Variants in TCHP observed in about 807,000 individuals in gnomAD.
The protein encoded by TCHP is trichoplein keratin filament-binding protein.
Under a neutral mutation model 88.7 loss-of-function variants are expected in TCHP, and 81 were observed. The observed-to-expected ratio is 0.91, with a 90% CI of 0.76 to 1.10. The LOEUF (loss-of-function observed/expected upper bound fraction) is 1.10. TCHP is among the 50% of genes least tolerant of loss of function. TCHP has a pLI of 0.00. For missense variants in TCHP, 641 were observed against 632.1 expected (o/e 1.01, Z -0.15); for synonymous variants, 232 against 232.5 (o/e 1.00, Z 0.02).
the TCHP span, among the ~76,000 whole-genome samples, chr12:109,891,852 G>A: frequency 6.6e-6 from 1 of 151,890 alleles, no homozygotes; most frequent in African/African-American, 2.4e-5. Context: ...TGGGATTACA[G>A]GCATGCACAA....
In TCHP at chr12:109,911,243, G is replaced by T. The variant is rs769097014; in HGVS notation, c.1052+8G>T. On this transcript the variant is annotated splice_region_variant and intron_variant, in intron 9 of 12. Transcript: ENST00000405876. Reference sequence around the variant, plus strand: ...GCTGCAGATGCTGCTGAGGTGAGTGGCAGCTGCTGACTGGGCTGGATGCTC... The same window carrying T: ...GCTGCAGATGCTGCTGAGGTGAGTGTCAGCTGCTGACTGGGCTGGATGCTC... The T allele has an allele frequency of 5.5e-5, 82 of 1,489,310 alleles. No homozygotes were observed. The highest frequency in any genetic ancestry group is 2.4e-4 in the Middle Eastern group (1 of 4,174). The allele number at this position is 1,489,310 out of a possible 1,614,324, so 92.3% of individuals were successfully genotyped here.
chr12:109,914,280 G>A (rs1160274172), intron 10 of TCHP, 162 bp from the exon 11 acceptor site: 3 of 598,838 alleles, frequency 5.0e-6, no homozygotes, highest in East Asian at 2.9e-5. Flanking sequence ...GGCCGACATC[G>A]TGAGAGCAAA....
rs1870461715 is a variant in TCHP, at chr12:109,911,119, C to T, written c.936C>T (p.Arg312=). 1.3e-6 allele frequency: 2 copies of T among 1,597,262 alleles called. No individual in the cohort carries two copies. The highest frequency in any genetic ancestry group is 1.7e-6 in the Non-Finnish European group (2 of 1,173,288). The change falls in exon 9 of 13, where the codon CGC becomes CGT. Residue 312 remains arginine (R), a synonymous_variant. Coordinates refer to ENST00000405876, the MANE Select transcript of TCHP (RefSeq NM_001143852.2). ...TCGAGAAGGAGGACGAGAGCCAGCG[C>T]CTCCACCTGGCCAGGCGGGAGCAGG... ...ALLEKEDESQ[R]LHLARREQVM...
At chr12:109,895,969 T>C (rs927868253), upstream of TCHP, among the ~76,000 whole-genome samples, 9 of 151,942 alleles carry the variant, frequency 5.9e-5, no homozygotes, top group African/African-American at 1.2e-4. Flanking sequence ...TTTTTTGAGA[T>C]GGAGTCTCAC....
At position 109,917,150 on chromosome 12, in the gene TCHP, AAAAG is replaced by A. The variant is rs1484788154; in HGVS notation, c.*530_*533del. 1 of 152,348 alleles carries A rather than the reference AAAAG, an allele frequency of 6.6e-6. No individual in the cohort carries two copies. The highest frequency in any genetic ancestry group is 2.4e-5 in the African/African-American group (1 of 41,454). The allele number at this position is 152,348 out of a possible 1,614,324, so 9.4% of individuals were successfully genotyped here. On this transcript the variant is annotated 3_prime_UTR_variant, in exon 13 of 13. Transcript: ENST00000405876. ...TATTACATCTTTTATATTCTGGAAG[AAAAG>A]AACTGTGAACAAATTAGAACCCCGG...
Position 109,903,211 on chromosome 12 carries a change from G to T in TCHP, c.185G>T (p.Arg62Leu). The T allele has an allele frequency of 6.2e-7, 1 of 1,608,060 alleles. No homozygotes were observed. Among genetic ancestry groups the T allele is most frequent in the African/African-American group, 1.3e-5 (1 of 74,996 alleles). ...TGGAGCTCTAAAACCTCCTACCAGC[G>T]GAGGTAATTGTGCGGTAACTGCCGA... ...AEWSSKTSYQ[R>L]SMHAYQREKM... The change falls in exon 2 of 13, where the codon CGG (arginine) becomes CTG (leucine). Residue 62 changes from arginine to leucine, a missense_variant. Physicochemically the swap from Arg to Leu is moderately radical, Grantham distance 102. Transcript: ENST00000405876. This position sits in a 1 kb window ranked among gnomAD's most constrained non-coding sequence, Gnocchi z 4.6.
rs375988733 is a variant in TCHP, at chr12:109,914,570, C to A, written c.1263C>A (p.Arg421=). ...AGGAGGTGAGAGAGTTGGCTCGTCGCGAGAAAGAGGAGAGTGAAAAGCTGA... is the reference window on the plus strand; with the variant it reads ...AGGAGGTGAGAGAGTTGGCTCGTCGAGAGAAAGAGGAGAGTGAAAAGCTGA... The part of the protein sequence containing the change: ...NLEEVRELAR[R]EKEESEKLKS... The change falls in exon 11 of 13, where the codon CGC becomes CGA. Residue 421 remains arginine, a synonymous_variant. Coordinates refer to ENST00000405876, the MANE Select transcript of TCHP (RefSeq NM_001143852.2). 1 of 1,613,622 alleles carries A rather than the reference C, an allele frequency of 6.2e-7. No individual in the cohort carries two copies.
chr12:109,905,571 C>T lies in TCHP; in HGVS notation c.456+778C>T, dbSNP rs577904440. On this transcript the variant is annotated intron_variant, in intron 4 of 12. Transcript: ENST00000405876. The surrounding 1 kb of genome is among the most constrained non-coding windows in gnomAD (Gnocchi z 4.0). ...GGGGGTGGCCTCTTGGCTTGGTGGC[C>T]TTGTTCAGTGGAGATTTGGCTGCAG... 2.0e-5 allele frequency among the ~76,000 whole-genome samples: 3 copies of T among 152,304 alleles called. No homozygotes were observed. The South Asian group carries it at 6.2e-4, about 32-fold the overall frequency.
intron 1 of TCHP, among the ~76,000 whole-genome samples, chr12:109,901,672 G>GTTGTTTCTCTGTAACCATTTGTCTTTTAA (rs1423206696): frequency 6.6e-6 from 1 of 152,084 alleles, no homozygotes; most frequent in African/African-American, 2.4e-5. Context: ...ACCTGGAACT[G>GTTGTTTCTCTGTAACCATTTGTCTTTTAA]TTGTTTCTCT....
chr12:109,890,525 T>C, the TCHP span, among the ~76,000 whole-genome samples: 2 of 151,468 alleles, frequency 1.3e-5, no homozygotes, highest in Admixed American at 6.6e-5. Context: ...TTTTTTTTTT[T>C]TGGAGACAGG....
Position 109,905,985 on chromosome 12 carries a change from GC to G in TCHP, c.457-585del, listed in dbSNP as rs1431433601. Reference sequence around the variant, plus strand: ...CGAGTAGCTGAGACTACAGGTGGGCGCCACCATATCCAGCTAATTTTATAAA... The same window carrying G: ...CGAGTAGCTGAGACTACAGGTGGGCGCACCATATCCAGCTAATTTTATAAA... On this transcript the variant is annotated intron_variant, in intron 4 of 12. Transcript: ENST00000405876. The surrounding 1 kb of genome is among the most constrained non-coding windows in gnomAD (Gnocchi z 4.0). Among the ~76,000 whole-genome samples, 1 of 152,176 alleles carries G rather than the reference GC, an allele frequency of 6.6e-6. No homozygotes were observed. Among genetic ancestry groups the G allele is most frequent in the African/African-American group, 2.4e-5 (1 of 41,434 alleles).
the TCHP span, among the ~76,000 whole-genome samples, chr12:109,886,860 C>T: frequency 2.0e-5 from 3 of 152,058 alleles, no homozygotes; most frequent in South Asian, 2.1e-4. Flanking sequence ...AGGTGTGCAC[C>T]GCCACGCCCG....
At chr12:109,891,727 G>T in the TCHP span, among the ~76,000 whole-genome samples, 1 of 150,124 alleles carries the variant, frequency 6.7e-6, no homozygotes, top group Non-Finnish European at 1.5e-5. Flanking sequence ...TTTTTGAGAC[G>T]AAGTTTTGCT....
At chr12:109,885,345 A>G in the TCHP span, among the ~76,000 whole-genome samples, 1 of 152,208 alleles carries the variant, frequency 6.6e-6, no homozygotes, top group Non-Finnish European at 1.5e-5. Context: ...TTCAAGTTGT[A>G]CATCTTAATA....
At chr12:109,881,740 T>C in the TCHP span, among the ~76,000 whole-genome samples, 1 of 152,122 alleles carries the variant, frequency 6.6e-6, no homozygotes, top group African/African-American at 2.4e-5. Context: ...ACCTAATGTC[T>C]CTCCAACAGC....
At chr12:109,913,118 A>G in intron 10 of TCHP, 46 bp downstream of exon 10, 1 of 1,589,766 alleles carries the variant, frequency 6.3e-7, no homozygotes, top group Non-Finnish European at 8.6e-7. Flanking sequence ...GGTCTTGGGC[A>G]GGTGTCTGGA....
At position 109,915,485 on chromosome 12, in the gene TCHP, T is replaced by C; in HGVS notation, c.1403T>C (p.Leu468Pro). 3.1e-6 allele frequency: 5 copies of C among 1,614,002 alleles called. No individual in the cohort carries two copies. Among genetic ancestry groups the C allele is most frequent in the South Asian group, 2.2e-5 (2 of 91,080 alleles). Residue 468 changes from leucine to proline, a missense_variant, in exon 12 of 13, where the codon CTC (leucine) becomes CCC (proline). Leu to Pro is a moderately conservative substitution (Grantham distance 98). Transcript: ENST00000405876. Reference protein sequence around the residue: ...EEEEARRVEQLSDALLQQEAE... With the variant: ...EEEEARRVEQPSDALLQQEAE... ...GAGGAGGCCCGGCGGGTCGAGCAGC[T>C]CTCAGATGCCCTGCTGCAGCAGGAG...
chr12:109,913,208 T>A, intron 10 of TCHP, 136 bp downstream of exon 10: 5 of 754,640 alleles, frequency 6.6e-6, no homozygotes, highest in Admixed American at 5.1e-5. Context: ...TAAAAATCAT[T>A]GAAAAAGTAA....
At chr12:109,899,669 C>T (rs1366563208), upstream of TCHP, among the ~76,000 whole-genome samples, 1 of 152,150 alleles carries the variant, frequency 6.6e-6, no homozygotes, top group African/African-American at 2.4e-5. Context: ...TAACTTCCAT[C>T]TACTTATGCC....
Sources: allele counts gnomAD v4.1 joint callset (sites outside exome capture counted in the v4.1 genomes callset), GRCh38; gene constraint gnomAD v4.1.1; non-coding constraint Gnocchi (gnomAD v3.1); transcripts MANE v1.5; gene names NCBI Gene and HGNC (gene_info 2026-07-23, HGNC 2026-07-21).